The following NECAB2 variants were observed in gnomAD, a reference collection of about 807,000 sequenced individuals.
NECAB2 encodes N-terminal EF-hand calcium-binding protein 2.
Under a neutral mutation model 51.9 loss-of-function variants are expected in NECAB2, and 68 were observed. That is an observed-to-expected ratio of 1.31 (90% CI 1.08 to 1.60). The LOEUF is 1.60. NECAB2 is among the 40% of genes most tolerant of loss of function. The probability of loss-of-function intolerance (pLI) is 0.00; values close to 1 mark genes in which losing one functional copy is unlikely to be tolerated. For missense variants in NECAB2, 854 were observed against 490.3 expected, an observed-to-expected ratio of 1.74 and a Z score of -7.00; for synonymous variants, 329 against 203.5, an observed-to-expected ratio of 1.62 and a Z score of -5.25.
rs71148868 is a variant in NECAB2 at position 83,985,313 on chromosome 16, CAAAAAAAAAAAAAAAA to C, written c.459+4204_459+4219del. Among the ~76,000 whole-genome samples the C allele has an allele frequency of 4.9e-3, 148 of 30,192 alleles. 3 individuals carry two copies. Among genetic ancestry groups the C allele is most frequent in the African/African-American group, 9.8e-3 (136 of 13,900 alleles). 19.8% of individuals were successfully genotyped at this position (30,192 alleles called of 152,430 possible). The stretch of plus-strand genomic sequence containing the variant: ...GGACAACAAGAGCAAATCTCTGTCT[CAAAAAAAAAAAAAAAA>C]AAAAAAAAAAAAAAAAAGGTTACTG... On this transcript the variant is annotated intron_variant, in intron 5 of 12. Transcript: ENST00000305202.
intron 5 of NECAB2, among the ~76,000 whole-genome samples, chr16:83,989,595 G>T (rs1405548800): frequency 6.6e-6 from 1 of 152,196 alleles, no homozygotes; most frequent in African/African-American, 2.4e-5. Flanking sequence ...GGCCAGGAGA[G>T]CAGGGCAGGG....
chr16:83,983,113 C>T (rs769056890), intron 5 of NECAB2, among the ~76,000 whole-genome samples: 41 of 152,096 alleles, frequency 2.7e-4, no homozygotes, highest in Non-Finnish European at 5.6e-4. Context: ...AGGTGATCCG[C>T]CCACCTCGGC....
intron 2 of NECAB2, 146 bp from the exon 3 acceptor site, chr16:83,978,298 G>A (rs112400695): frequency 1.6e-6 from 1 of 622,322 alleles, no homozygotes; most frequent in East Asian, 2.8e-5. Flanking sequence ...TTTAGTTTGG[G>A]GATTAGCTGG....
At chr16:83,993,976 A>C (rs768193128) in intron 6 of NECAB2, among the ~76,000 whole-genome samples, 7 of 152,226 alleles carry the variant, frequency 4.6e-5, no homozygotes, top group Admixed American at 6.5e-5. Flanking sequence ...ACGTGCCCGA[A>C]AGCTTCGAGC....
At chr16:83,977,759 A>AG (rs1307769374) in intron 2 of NECAB2, among the ~76,000 whole-genome samples, 1 of 152,196 alleles carries the variant, frequency 6.6e-6, no homozygotes, top group Admixed American at 6.5e-5. Context: ...GGCCATTGGC[A>AG]GCCATCTCAT....
intron 5 of NECAB2, among the ~76,000 whole-genome samples, chr16:83,985,281 C>G (rs374474325): frequency 8.9e-5 from 11 of 124,050 alleles, no homozygotes; most frequent in African/African-American, 3.2e-4. Context: ...CCATTGCACT[C>G]CAGCCTGGAC....
chr16:83,998,724 A>G (rs1294437965), intron 10 of NECAB2, among the ~76,000 whole-genome samples: 1 of 152,146 alleles, frequency 6.6e-6, no homozygotes, highest in Non-Finnish European at 1.5e-5. Flanking sequence ...AGAATGTAGT[A>G]TTTGCTCAGT....
intron 6 of NECAB2, among the ~76,000 whole-genome samples, chr16:83,990,964 T>G (rs1033117620): frequency 9.8e-5 from 15 of 152,290 alleles, no homozygotes; most frequent in African/African-American, 3.4e-4. Flanking sequence ...ATTCTGTTGT[T>G]TGGCCCACGT....
upstream of NECAB2, among the ~76,000 whole-genome samples, chr16:83,967,196 T>G (rs887653954): frequency 6.6e-6 from 1 of 152,024 alleles, no homozygotes; most frequent in Non-Finnish European, 1.5e-5. Flanking sequence ...AATTGTTCAT[T>G]TGTTTGTGGA....
At chr16:83,998,957 C>T (rs1023508021) in intron 10 of NECAB2, among the ~76,000 whole-genome samples, 1 of 152,156 alleles carries the variant, frequency 6.6e-6, no homozygotes, top group Admixed American at 6.5e-5. Context: ...GCCCTTTGTT[C>T]TTGCTGGTAG....
At chr16:83,988,897 G>T (rs902740261) in intron 5 of NECAB2, among the ~76,000 whole-genome samples, 11 of 152,172 alleles carry the variant, frequency 7.2e-5, no homozygotes, top group African/African-American at 2.2e-4. Context: ...CAAATCTGGG[G>T]TTGTATCTTT....
At chr16:83,983,107 G>A (rs962247916) in intron 5 of NECAB2, among the ~76,000 whole-genome samples, 1 of 152,114 alleles carries the variant, frequency 6.6e-6, no homozygotes, top group Non-Finnish European at 1.5e-5. Flanking sequence ...GACTTGAGGT[G>A]ATCCGCCCAC....
chr16:83,976,859 T>C (rs906542415), intron 2 of NECAB2, among the ~76,000 whole-genome samples: 1 of 152,232 alleles, frequency 6.6e-6, no homozygotes, highest in Non-Finnish European at 1.5e-5. Context: ...GCTTATGCTC[T>C]CACCCTGTGT....
intron 5 of NECAB2, among the ~76,000 whole-genome samples, chr16:83,983,296 G>A (rs924425804): frequency 2.0e-5 from 3 of 152,138 alleles, no homozygotes; most frequent in Non-Finnish European, 2.9e-5. Context: ...TAAGAGTGCC[G>A]TTGTCTCTGC....
chr16:83,968,429 C>T lies in NECAB2; in HGVS notation c.-220C>T, dbSNP rs911292251. Among the ~76,000 whole-genome samples the T allele has an allele frequency of 2.7e-5, 4 of 148,082 alleles. No individual in the cohort carries two copies. Among genetic ancestry groups the T allele is most frequent in the African/African-American group, 4.9e-5 (2 of 40,874 alleles). ...GCGGGCAGTCCTCAGGCCCCGCGCC[C>T]GGCCGGCGGGGGTGGGGGCGGCGGG... is the stretch of plus-strand genomic sequence containing the variant. On this transcript the variant is annotated 5_prime_UTR_variant, in exon 1 of 13. Coordinates refer to ENST00000305202, the MANE Select transcript of NECAB2 (RefSeq NM_019065.3).
chr16:83,992,443 G>A (rs1318083051), intron 6 of NECAB2, among the ~76,000 whole-genome samples: 1 of 144,308 alleles, frequency 6.9e-6, no homozygotes. Context: ...GTTCTTCCCA[G>A]AACAGCTGAT....
rs992249400 is a variant in NECAB2, at chr16:83,985,155, A to G, written c.459+4028A>G. ...TGGTGAAACCCTGTCTGTACTAAAA[A>G]TACAAAAATTAGCCGAGCGTGGTGG... On this transcript the variant is annotated intron_variant, in intron 5 of 12. Coordinates refer to ENST00000305202, the MANE Select transcript of NECAB2 (RefSeq NM_019065.3). 2.0e-5 allele frequency among the ~76,000 whole-genome samples: 3 copies of G among 151,900 alleles called. No individual in the cohort carries two copies. The Middle Eastern group carries it at 0.01, about 517-fold the overall frequency.
chr16:83,995,328 G>A (rs1215036843), intron 8 of NECAB2, among the ~76,000 whole-genome samples: 3 of 152,146 alleles, frequency 2.0e-5, no homozygotes, highest in East Asian at 1.9e-4. Context: ...CCACTTCATA[G>A]CTGTGTGACC....
upstream of NECAB2, among the ~76,000 whole-genome samples, chr16:83,967,112 T>TCCGC (rs1375073070): frequency 5.9e-5 from 9 of 152,194 alleles, no homozygotes; most frequent in Non-Finnish European, 1.3e-4. Flanking sequence ...CCTCAAGTGA[T>TCCGC]CCGCCCTCTT....
Sources: gnomAD v4.1 joint callset for allele counts (sites outside exome capture counted in the v4.1 genomes callset) on GRCh38, gnomAD v4.1.1 for gene constraint, MANE v1.5 for transcripts, NCBI Gene and HGNC (gene_info 2026-07-23, HGNC 2026-07-21) for gene names.